FAP: variants seen among roughly 807,000 people sequenced by gnomAD.
FAP encodes the protein prolyl endopeptidase FAP.
Under a neutral mutation model 126.5 loss-of-function variants are expected in FAP, and 110 were observed. The observed-to-expected ratio is 0.87, with a 90% CI of 0.74 to 1.02. The LOEUF is 1.02. Ranked by LOEUF, FAP falls within the 50% of genes least tolerant of loss-of-function variation. The pLI, the probability that FAP is intolerant of heterozygous loss-of-function variation, is 0.00. For missense variants in FAP, 919 were observed against 909.2 expected (o/e 1.01, Z -0.14); for synonymous variants, 334 against 297.3 (o/e 1.12, Z -1.27).
chr2:162,181,539 G>T (rs1433123956), intron 21 of FAP, among the ~76,000 whole-genome samples: 1 of 152,120 alleles, frequency 6.6e-6, no homozygotes, highest in Non-Finnish European at 1.5e-5. Flanking sequence ...TTTTCACTCT[G>T]CCTGGAATGC....
intron 11 of FAP, 142 bp from the exon 12 acceptor site, chr2:162,210,138 G>C: frequency 1.5e-6 from 1 of 660,098 alleles, no homozygotes; most frequent in Non-Finnish European, 2.6e-6. Context: ...GAGTTTAAAA[G>C]GACAATATTA....
chr2:162,205,434 A>G (rs1688664963), intron 12 of FAP, among the ~76,000 whole-genome samples: 1 of 152,156 alleles, frequency 6.6e-6, no homozygotes, highest in Non-Finnish European at 1.5e-5. Flanking sequence ...TCCTTCTTTC[A>G]TTTCAGAATG....
chr2:162,202,759 G>A, intron 14 of FAP, 113 bp downstream of exon 14: 1 of 734,174 alleles, frequency 1.4e-6, no homozygotes, highest in South Asian at 2.0e-5. Flanking sequence ...ACAACTGTCT[G>A]AATTATAGAG....
At chr2:162,241,564 A>G (rs1690347055) in intron 2 of FAP, among the ~76,000 whole-genome samples, 1 of 152,188 alleles carries the variant, frequency 6.6e-6, no homozygotes, top group Non-Finnish European at 1.5e-5. Context: ...CTGAGGGTGC[A>G]GAGTATCAAT....
chr2:162,237,922 T>C (rs1690203067), intron 2 of FAP, among the ~76,000 whole-genome samples: 1 of 152,238 alleles, frequency 6.6e-6, no homozygotes, highest in African/African-American at 2.4e-5. Flanking sequence ...TCATTTTGGT[T>C]TTGATTTGCA....
intron 12 of FAP, among the ~76,000 whole-genome samples, chr2:162,207,278 G>C (rs1319819014): frequency 6.6e-6 from 1 of 152,176 alleles, no homozygotes; most frequent in Non-Finnish European, 1.5e-5. Flanking sequence ...TTTAAAGCAG[G>C]TGCCTTGGGA....
chr2:162,173,574 A>T (rs544656423), intron 23 of FAP, 149 bp downstream of exon 23: 415 of 643,670 alleles, frequency 6.4e-4, no homozygotes, highest in Admixed American at 1.0e-3. Context: ...AAGGAGTAAA[A>T]CCCTTTCTAG....
chr2:162,226,456 T>G, intron 3 of FAP, 67 bp downstream of exon 3: 1 of 732,824 alleles, frequency 1.4e-6, no homozygotes. Flanking sequence ...TAGAGATGTA[T>G]TGGCACTAAA....
intron 21 of FAP, among the ~76,000 whole-genome samples, chr2:162,181,405 T>G (rs1426773983): frequency 6.6e-6 from 1 of 152,204 alleles, no homozygotes; most frequent in Non-Finnish European, 1.5e-5. Flanking sequence ...TATACTTGCT[T>G]ATTCAGACTC....
At chr2:162,195,487 G>C (rs1345813954) in intron 16 of FAP, among the ~76,000 whole-genome samples, 1 of 151,836 alleles carries the variant, frequency 6.6e-6, no homozygotes, top group East Asian at 2.0e-4. Flanking sequence ...GATGTGGCCC[G>C]GGAGAAGAGA....
Position 162,173,157 on chromosome 2 carries a change from G to A in FAP, c.2099C>T (p.Thr700Ile). Residue 700 changes from threonine to isoleucine, a missense_variant, in exon 24 of 26, where the codon ACA becomes ATA. By Grantham distance (89) the Thr-to-Ile change is moderately conservative (BLOSUM62 -1). Coordinates refer to ENST00000188790, the MANE Select transcript of FAP (RefSeq NM_004460.5). ...TCTTGCTTAAACCTCACCATCTGCT[G>A]TTCCGTGGATGAGAAGATAGTCTAC... ...RNVDYLLIHG[T>I]ADDNVHFQNS... 1 of 1,612,614 alleles carries A rather than the reference G, an allele frequency of 6.2e-7. No homozygotes were observed.
At chr2:162,231,372 T>G (rs1435827292) in intron 2 of FAP, among the ~76,000 whole-genome samples, 1 of 152,220 alleles carries the variant, frequency 6.6e-6, no homozygotes, top group Non-Finnish European at 1.5e-5. Flanking sequence ...TAAATGTAAT[T>G]ACTTGATGAT....
At chr2:162,233,192 A>G (rs1689970353) in intron 2 of FAP, among the ~76,000 whole-genome samples, 1 of 152,048 alleles carries the variant, frequency 6.6e-6, no homozygotes, top group Non-Finnish European at 1.5e-5. Context: ...TAATGCTAAG[A>G]AAAAAAATTC....
chr2:162,241,241 T>C (rs1690332145), intron 2 of FAP, among the ~76,000 whole-genome samples: 1 of 152,228 alleles, frequency 6.6e-6, no homozygotes, highest in Non-Finnish European at 1.5e-5. Flanking sequence ...TCTTAGAATT[T>C]TCCTGTTAGT....
chr2:162,193,730 C>T (rs1228288417), intron 17 of FAP: 2 of 152,140 alleles, frequency 1.3e-5, no homozygotes, highest in African/African-American at 4.8e-5. Flanking sequence ...CCCATTATCA[C>T]AATGCCTGTC....
chr2:162,172,680 GT>G lies in FAP; in HGVS notation c.2181+130del, dbSNP rs1191665506. 8.0e-6 allele frequency: 5 copies of G among 628,024 alleles called. No homozygotes were observed. In the African/African-American group the frequency reaches 9.2e-5, roughly 12 times the overall value. The allele number at this position is 628,024 out of a possible 1,614,324, so 38.9% of individuals were successfully genotyped here. ...AAAGATCCAAGATTCATTTGCTAATGTTCTGCCTACTCTATCCTGCAGCCTC... is the reference window on the plus strand; with the variant it reads ...AAAGATCCAAGATTCATTTGCTAATGTCTGCCTACTCTATCCTGCAGCCTC... On this transcript the variant is annotated intron_variant, in intron 25 of 25. Transcript: ENST00000188790.
At chr2:162,178,365 C>T (rs1025194220) in intron 21 of FAP, among the ~76,000 whole-genome samples, 1 of 152,184 alleles carries the variant, frequency 6.6e-6, no homozygotes, top group South Asian at 2.1e-4. Context: ...AACTCTGACA[C>T]TATTGACAGT....
At chr2:162,215,498 T>C (rs1256311571) in intron 10 of FAP, among the ~76,000 whole-genome samples, 1 of 152,152 alleles carries the variant, frequency 6.6e-6, no homozygotes, top group Admixed American at 6.5e-5. Context: ...TTGTGAAAAA[T>C]GCTAATTTTT....
At chr2:162,179,783 T>A (rs1041451079) in intron 21 of FAP, among the ~76,000 whole-genome samples, 12 of 64,526 alleles carry the variant, frequency 1.9e-4, no homozygotes, top group Non-Finnish European at 3.6e-4. Context: ...TCTATCTATC[T>A]ATCTATCTAT....
Sources: gnomAD v4.1 joint callset for allele counts (sites outside exome capture counted in the v4.1 genomes callset) on GRCh38, gnomAD v4.1.1 for gene constraint, MANE v1.5 for transcripts, NCBI Gene and HGNC (gene_info 2026-07-23, HGNC 2026-07-21) for gene names.